RNF216: variants seen among roughly 807,000 people sequenced by gnomAD.
RNF216 encodes E3 ubiquitin-protein ligase RNF216.
Under a neutral mutation model 110.8 loss-of-function variants are expected in RNF216, and 72 were observed. The observed-to-expected ratio is 0.65, with a 90% CI of 0.54 to 0.79. The LOEUF (loss-of-function observed/expected upper bound fraction) is 0.79, where lower values mean the gene tolerates loss of function less well. RNF216 is among the 30% of genes least tolerant of loss of function. The probability of loss-of-function intolerance (pLI) is 0.00; values close to 1 mark genes in which losing one functional copy is unlikely to be tolerated. For missense variants in RNF216, 1,342 were observed against 1,141.2 expected (o/e 1.18, Z -2.54); for synonymous variants, 495 against 407.5 (o/e 1.21, Z -2.59).
chr7:5,635,647 C>G (rs1787351772), intron 15 of RNF216, among the ~76,000 whole-genome samples: 1 of 152,122 alleles, frequency 6.6e-6, no homozygotes, highest in Non-Finnish European at 1.5e-5. Context: ...GCTGCGCTGG[C>G]CTGAGGGGAG....
chr7:5,623,336 C>G (rs1366540021), intron 16 of RNF216, among the ~76,000 whole-genome samples, 157 bp from the exon 17 acceptor site: 1 of 152,218 alleles, frequency 6.6e-6, no homozygotes, highest in Non-Finnish European at 1.5e-5. Context: ...TGCAAGAAAC[C>G]AAGAACAAAT....
At chr7:5,762,514 T>C (rs190000417) in intron 1 of RNF216, among the ~76,000 whole-genome samples, 1 of 151,060 alleles carries the variant, frequency 6.6e-6, no homozygotes, top group Admixed American at 6.6e-5. Context: ...AAAATAATAA[T>C]AAATAAATAA....
chr7:5,691,679 A>G (rs1290598084), intron 13 of RNF216, among the ~76,000 whole-genome samples: 1 of 152,248 alleles, frequency 6.6e-6, no homozygotes, highest in East Asian at 1.9e-4. Flanking sequence ...AGAATCTTCT[A>G]TCTGGCATGG....
intron 13 of RNF216, among the ~76,000 whole-genome samples, chr7:5,675,506 G>T (rs928434299): frequency 2.6e-5 from 4 of 152,232 alleles, no homozygotes; most frequent in African/African-American, 9.6e-5. Flanking sequence ...GCTGAGTGTA[G>T]TGGTGCCCAC....
chr7:5,749,271 C>T (rs1795212015), intron 3 of RNF216, among the ~76,000 whole-genome samples: 1 of 151,650 alleles, frequency 6.6e-6, no homozygotes, highest in South Asian at 2.1e-4. Context: ...CTGCCTCAGC[C>T]TCCTGAGTAG....
chr7:5,702,046 G>A (rs1008877948), intron 13 of RNF216, among the ~76,000 whole-genome samples: 9 of 152,152 alleles, frequency 5.9e-5, no homozygotes, highest in East Asian at 3.9e-4. Flanking sequence ...CAGGGAGGTC[G>A]GCGACATCTG....
chr7:5,669,111 C>T (rs1789729100), intron 13 of RNF216, among the ~76,000 whole-genome samples: 5 of 152,174 alleles, frequency 3.3e-5, no homozygotes, highest in Admixed American at 2.0e-4. Context: ...AACTATCCCA[C>T]CCAGTCCCGT....
At chr7:5,780,217 C>G (rs118004770) in intron 1 of RNF216, 1 of 152,164 alleles carries the variant, frequency 6.6e-6, no homozygotes, top group Admixed American at 6.5e-5. Context: ...GTCTTCCTCA[C>G]AAGGGAAGAA....
intron 5 of RNF216, chr7:5,733,075 A>G (rs573524048): frequency 6.6e-6 from 1 of 152,260 alleles, no homozygotes; most frequent in Non-Finnish European, 1.5e-5. Context: ...ACTGAGCTAC[A>G]ACAAAATCCC....
At chr7:5,751,202 A>G (rs1014742213) in intron 3 of RNF216, among the ~76,000 whole-genome samples, 3 of 152,220 alleles carry the variant, frequency 2.0e-5, no homozygotes, top group Non-Finnish European at 2.9e-5. Context: ...AACAAAAAAA[A>G]GTGTGATAAT....
At chr7:5,724,416 A>C (rs906044534) in intron 8 of RNF216, among the ~76,000 whole-genome samples, 1 of 152,234 alleles carries the variant, frequency 6.6e-6, no homozygotes, top group Non-Finnish European at 1.5e-5. Flanking sequence ...CCACCACTGA[A>C]GTCAGAAACA....
chr7:5,736,460 C>T lies in RNF216; in HGVS notation c.1121+2816G>A, dbSNP rs1450483612. ...AGGCTGCAGTGCAGTGGCGCGATCTCGGCTCGCTACAACCTCCACCTCCCA... is the reference window on the plus strand; with the variant it reads ...AGGCTGCAGTGCAGTGGCGCGATCTTGGCTCGCTACAACCTCCACCTCCCA... On this transcript the variant is annotated intron_variant, in intron 5 of 16. Transcript: ENST00000389902. 3.3e-5 allele frequency among the ~76,000 whole-genome samples: 5 copies of T among 152,178 alleles called. No homozygotes were observed. In the South Asian group the frequency reaches 8.3e-4, roughly 25 times the overall value.
chr7:5,710,379 A>C (rs918696091), intron 13 of RNF216, among the ~76,000 whole-genome samples: 20 of 151,146 alleles, frequency 1.3e-4, no homozygotes, highest in Middle Eastern at 3.4e-3. Flanking sequence ...AAACAAAAAC[A>C]AAAACAAAAA....
chr7:5,691,972 A>G (rs917266457), intron 13 of RNF216, among the ~76,000 whole-genome samples: 2 of 152,212 alleles, frequency 1.3e-5, no homozygotes, highest in Non-Finnish European at 2.9e-5. Flanking sequence ...AAGAGATACA[A>G]TACTTTATAT....
At chr7:5,743,808 G>C (rs1428584653) in intron 3 of RNF216, among the ~76,000 whole-genome samples, 1 of 152,186 alleles carries the variant, frequency 6.6e-6, no homozygotes, top group Non-Finnish European at 1.5e-5. Flanking sequence ...TGCCACTGAA[G>C]TAAGGGCCAA....
rs1786415100 is a variant in RNF216, at chr7:5,622,261, T to A, written c.*599A>T. ...AACAAAACCCCCGCCGCGAGATGGGTCTGCTGCTGCCTCATCTGAGTAGGT... is the reference window on the plus strand; with the variant it reads ...AACAAAACCCCCGCCGCGAGATGGGACTGCTGCTGCCTCATCTGAGTAGGT... On this transcript the variant is annotated 3_prime_UTR_variant, in exon 17 of 17. Coordinates refer to ENST00000389902, the MANE Select transcript of RNF216 (RefSeq NM_207111.4). 6.6e-6 allele frequency: 1 copy of A among 152,450 alleles called. No homozygotes were observed. The highest frequency in any genetic ancestry group is 6.5e-5 in the Admixed American group (1 of 15,286). 9.4% of individuals were successfully genotyped at this position (152,450 alleles called of 1,614,324 possible).
intron 1 of RNF216, among the ~76,000 whole-genome samples, chr7:5,768,665 GTTTT>G (rs550374815): frequency 7.1e-6 from 1 of 141,076 alleles, no homozygotes; most frequent in African/African-American, 2.6e-5. Context: ...AAGCAACTTT[GTTTT>G]TTTTTTTTTT....
intron 13 of RNF216, among the ~76,000 whole-genome samples, chr7:5,661,005 A>C (rs1317680414): frequency 7.1e-6 from 1 of 140,256 alleles, no homozygotes; most frequent in African/African-American, 2.8e-5. Flanking sequence ...GGCTGGAGTA[A>C]ATTCCGACTC....
rs1794380144 is a variant in RNF216, at chr7:5,736,100, AATAAATAG to A, written c.1121+3168_1121+3175del. On this transcript the variant is annotated intron_variant, in intron 5 of 16. Transcript: ENST00000389902. ...AGAGTGAGACTCCGTCTCAAAAATA[AATAAATAG>A]CTCTCCCTCTCCCTGTCCCTGTCCC... Among the ~76,000 whole-genome samples the A allele has an allele frequency of 9.4e-5, 12 of 127,920 alleles. No homozygotes were observed. The South Asian group carries it at 3.5e-3, about 37-fold the overall frequency. 83.9% of individuals were successfully genotyped at this position (127,920 alleles called of 152,430 possible). A position where few individuals can be genotyped will look rare whatever the true frequency, so the allele number is the denominator to read the frequency against.
Sources: gnomAD v4.1 joint callset for allele counts (sites outside exome capture counted in the v4.1 genomes callset) on GRCh38, gnomAD v4.1.1 for gene constraint, MANE v1.5 for transcripts, NCBI Gene and HGNC (gene_info 2026-07-23, HGNC 2026-07-21) for gene names.